The following DACT2 variants were observed in gnomAD, a reference collection of about 807,000 sequenced individuals.
DACT2 encodes the protein dapper homolog 2.
A neutral mutation model predicts 22.2 loss-of-function variants in DACT2; 20 were observed. The ratio of observed to expected loss-of-function variants is 0.90; its 90% CI spans 0.63 to 1.31. The LOEUF (loss-of-function observed/expected upper bound fraction) is 1.31. DACT2 is among the 50% of genes most tolerant of loss of function. The pLI is 0.00. For missense variants in DACT2, 1,048 were observed against 1,061.4 expected (o/e 0.99, Z 0.18); for synonymous variants, 463 against 479.8 (o/e 0.96, Z 0.46).
chr6:168,299,143 A>G (rs1451207985), intron 3 of DACT2: 1 of 152,230 alleles, frequency 6.6e-6, no homozygotes, highest in Non-Finnish European at 1.5e-5. Flanking sequence ...TCCCTAAATT[A>G]TATGTGGAAA....
chr6:168,319,310 ACACACAGTCGCT>A, intron 1 of DACT2, 66 bp downstream of exon 1: 1 of 1,150,580 alleles, frequency 8.7e-7, no homozygotes, highest in East Asian at 3.9e-5. Context: ...CGTCCCACTA[ACACACAGTCGCT>A]GCCGAAGGAG....
downstream of DACT2, among the ~76,000 whole-genome samples, chr6:168,305,142 G>C (rs9346686): frequency 1.3e-5 from 2 of 151,994 alleles, no homozygotes; most frequent in South Asian, 2.1e-4. Context: ...GAAGGAGAAC[G>C]ATTGATTGAT....
chr6:168,306,054 A>G (rs549217572), downstream of DACT2, among the ~76,000 whole-genome samples: 1 of 152,212 alleles, frequency 6.6e-6, no homozygotes, highest in South Asian at 2.1e-4. Context: ...CCCCTCACCT[A>G]CGCTTTGTTC....
At position 168,307,593 on chromosome 6, in the gene DACT2, C is replaced by A; in HGVS notation, c.2164G>T (p.Ala722Ser). The A allele has an allele frequency of 6.5e-6, 10 of 1,549,478 alleles. No individual in the cohort carries two copies. The highest frequency in any genetic ancestry group is 7.0e-6 in the Non-Finnish European group (8 of 1,146,070). Residue 722 changes from alanine (A) to serine (S), a missense_variant, in exon 4 of 4, where the codon GCC becomes TCC. Coordinates refer to ENST00000366795, the MANE Select transcript of DACT2 (RefSeq NM_214462.5). The surrounding 1 kb of genome is among the most constrained non-coding windows in gnomAD (Gnocchi z 5.3). ...GTCCAGGCCAGCTCCGCATGCCCGG[C>A]CGCCACATAGCCCAGTGCCAGGTCA... is the stretch of plus-strand genomic sequence containing the variant. Reference protein sequence around the residue: ...DCDLALGYVAAGHAELAWTQE... With the variant: ...DCDLALGYVASGHAELAWTQE...
At chr6:168,293,587 C>T in exon 6 of DACT2, 1 of 366,498 alleles carries the variant, frequency 2.7e-6, no homozygotes, top group South Asian at 3.6e-5. Context: ...TGCAGTCATG[C>T]TAGAAAAACA....
chr6:168,297,275 G>C (rs972330465), intron 3 of DACT2, among the ~76,000 whole-genome samples: 1 of 152,186 alleles, frequency 6.6e-6, no homozygotes, highest in Non-Finnish European at 1.5e-5. Context: ...GTGGCACAGG[G>C]GGATGAAGTT....
At chr6:168,294,476 C>A (rs1315235945) in intron 4 of DACT2, among the ~76,000 whole-genome samples, 1 of 150,998 alleles carries the variant, frequency 6.6e-6, no homozygotes, top group African/African-American at 2.5e-5. Flanking sequence ...CCGCTCCCCC[C>A]ACCCCACAAC....
chr6:168,299,319 T>C (rs6455508), intron 3 of DACT2: 146,215 of 152,254 alleles, frequency 0.96, 70,261 homozygotes, highest in East Asian at 1. Context: ...TGTCAGCTCT[T>C]CTAAGCACCT....
downstream of DACT2, among the ~76,000 whole-genome samples, chr6:168,303,526 G>A (rs1011225581): frequency 7.9e-5 from 12 of 152,244 alleles, no homozygotes; most frequent in South Asian, 2.1e-4. Context: ...ACACACGCCC[G>A]GTCCCCTTCT....
intron 3 of DACT2, chr6:168,299,696 G>T (rs766962422): frequency 6.6e-6 from 1 of 152,226 alleles, no homozygotes. Flanking sequence ...CGAACTCAGC[G>T]AACCGAGTCC....
intron 2 of DACT2, 137 bp downstream of exon 2, chr6:168,311,015 A>G (rs1779383836): frequency 8.6e-7 from 1 of 1,161,286 alleles, no homozygotes; most frequent in African/African-American, 1.6e-5. Flanking sequence ...CAGCCTGACG[A>G]AGCGGCCATC....
At chr6:168,311,407 T>G in intron 1 of DACT2, 123 bp from the exon 2 acceptor site, 1 of 1,252,600 alleles carries the variant, frequency 8.0e-7, no homozygotes, top group Non-Finnish European at 1.1e-6. Context: ...GCGAAATACA[T>G]CTTCTAAATC....
At chr6:168,293,054 G>A (rs923064243) in exon 6 of DACT2, 1 of 152,112 alleles carries the variant, frequency 6.6e-6, no homozygotes, top group African/African-American at 2.4e-5. Context: ...TTGAATGTCT[G>A]GACTTTGTAA....
At chr6:168,306,706 T>A (rs542639129), downstream of DACT2, among the ~76,000 whole-genome samples, 1 of 152,258 alleles carries the variant, frequency 6.6e-6, no homozygotes, top group Admixed American at 6.5e-5. Flanking sequence ...CGCCTTGTCT[T>A]CCCAAAGTGC....
chr6:168,311,574 A>ACACACTCACACT (rs1779409015), intron 1 of DACT2, among the ~76,000 whole-genome samples: 2 of 141,786 alleles, frequency 1.4e-5, no homozygotes, highest in African/African-American at 5.2e-5. Context: ...ACACAAACAC[A>ACACACTCACACT]CACACCCATC....
chr6:168,293,841 TC>T, exon 6 of DACT2: 1 of 702,716 alleles, frequency 1.4e-6, no homozygotes, highest in South Asian at 1.5e-5. Flanking sequence ...GGACCCGACT[TC>T]CAGCCTGTGA....
chr6:168,308,746 C>A lies in DACT2; in HGVS notation c.1011G>T (p.Leu337Phe). Reference sequence around the variant, plus strand: ...GGGTCTCCCGGCCCCACAGATGCAGCAACCTGTCGATATAAGCTCTGGCCC... The same window carrying A: ...GGGTCTCCCGGCCCCACAGATGCAGAAACCTGTCGATATAAGCTCTGGCCC... ...PARARAYIDR[L>F]LHLWGRETPA... Residue 337 changes from leucine to phenylalanine, a missense_variant, in exon 4 of 4, where the codon TTG (leucine) becomes TTT (phenylalanine). Leu to Phe is a conservative substitution (Grantham distance 22, BLOSUM62 0). Transcript: ENST00000366795. The A allele has an allele frequency of 6.4e-7, 1 of 1,551,382 alleles. No homozygotes were observed.
At position 168,308,877 on chromosome 6, in the gene DACT2, C is replaced by A. The variant is rs1008617939; in HGVS notation, c.880G>T (p.Glu294Ter). 1 of 1,550,922 alleles carries A rather than the reference C, an allele frequency of 6.4e-7. No individual in the cohort carries two copies. Among genetic ancestry groups the A allele is most frequent in the African/African-American group, 1.4e-5 (1 of 73,046 alleles). Residue 294 changes from glutamate (E) to a stop codon, truncating the protein, a stop_gained, in exon 4 of 4, where the codon GAA becomes TAA. Coordinates refer to ENST00000366795, the MANE Select transcript of DACT2 (RefSeq NM_214462.5). LOFTEE classifies it low-confidence loss of function (END_TRUNC). ...GAGGGGCCACCTCTCTGTGGGGTTT[C>A]CTTAGTCAGGACAAACAGGGGGCTC... is the stretch of plus-strand genomic sequence containing the variant. ...LQSPLFVLTK[E>*]TPQRGGPSFP...
chr6:168,308,346 G>A lies in DACT2; in HGVS notation c.1411C>T (p.Pro471Ser). 6.4e-7 allele frequency: 1 copy of A among 1,552,002 alleles called. No individual in the cohort carries two copies. Among genetic ancestry groups the A allele is most frequent in the Non-Finnish European group, 8.7e-7 (1 of 1,147,056 alleles). Residue 471 changes from proline (P) to serine (S), a missense_variant, in exon 4 of 4, where the codon CCC (proline) becomes TCC (serine). Coordinates refer to ENST00000366795, the MANE Select transcript of DACT2 (RefSeq NM_214462.5). ...GCAAAGTGCCCAGAGGCCGGTGAGG[G>A]GCTCTTGTCCAGCATCCTGGATGGG... ...ISPSRMLDKS[P>S]SPASGHFAHP...
Sources: allele counts gnomAD v4.1 joint callset (sites outside exome capture counted in the v4.1 genomes callset), GRCh38; gene constraint gnomAD v4.1.1; non-coding constraint Gnocchi (gnomAD v3.1); transcripts MANE v1.5; gene names NCBI Gene and HGNC (gene_info 2026-07-23, HGNC 2026-07-21).